The following WWOX variants were observed in gnomAD, a reference collection of about 807,000 sequenced individuals.
WWOX encodes WW domain containing oxidoreductase.
A neutral mutation model predicts 46.2 loss-of-function variants in WWOX; 69 were observed. That is an observed-to-expected ratio of 1.49 (90% CI 1.23 to 1.82). The LOEUF is 1.82. Among genes scored for constraint, WWOX ranks in the 40% most tolerant of loss-of-function variants. The pLI is 0.00. For missense variants in WWOX, 919 were observed against 542.6 expected (o/e 1.69, Z -6.89); for synonymous variants, 359 against 202.6 (o/e 1.77, Z -6.56).
chr16:78,441,037 G>T (rs897295914), intron 8 of WWOX, among the ~76,000 whole-genome samples: 2 of 152,106 alleles, frequency 1.3e-5, no homozygotes, highest in African/African-American at 4.8e-5. Context: ...CCGCCTCCCA[G>T]GTTCAAGCGA....
At chr16:78,905,508 T>C (rs952244230) in intron 8 of WWOX, among the ~76,000 whole-genome samples, 2 of 152,172 alleles carry the variant, frequency 1.3e-5, no homozygotes, top group African/African-American at 4.8e-5. Flanking sequence ...CAGCCTCCTG[T>C]GTAGTGGAGA....
intron 5 of WWOX, among the ~76,000 whole-genome samples, chr16:78,241,013 G>A (rs754236623): frequency 2.0e-5 from 3 of 152,158 alleles, no homozygotes; most frequent in Non-Finnish European, 4.4e-5. Flanking sequence ...CAGTGGGCAT[G>A]TTCCTCACCT....
chr16:78,131,098 G>C (rs1464913422), intron 4 of WWOX, among the ~76,000 whole-genome samples: 3 of 152,224 alleles, frequency 2.0e-5, no homozygotes, highest in Admixed American at 6.5e-5. Context: ...TAAAAATACA[G>C]TGTTGTAATC....
At chr16:78,743,798 A>AATCT (rs2049286057) in intron 8 of WWOX, among the ~76,000 whole-genome samples, 1 of 152,124 alleles carries the variant, frequency 6.6e-6, no homozygotes, top group Admixed American at 6.5e-5. Flanking sequence ...TTCCACAACC[A>AATCT]ATCTGACTGA....
intron 5 of WWOX, among the ~76,000 whole-genome samples, chr16:78,218,788 C>T (rs980018299): frequency 6.6e-6 from 1 of 152,208 alleles, no homozygotes; most frequent in Non-Finnish European, 1.5e-5. Context: ...CTTCGGTGCG[C>T]ATGTAAGTTT....
chr16:78,794,453 A>G (rs1665826793), intron 8 of WWOX, among the ~76,000 whole-genome samples: 1 of 152,218 alleles, frequency 6.6e-6, no homozygotes, highest in Admixed American at 6.5e-5. Flanking sequence ...AAGCCCCAAA[A>G]GACTATGACA....
intron 8 of WWOX, among the ~76,000 whole-genome samples, chr16:79,081,053 C>T (rs1358016617): frequency 6.6e-6 from 1 of 152,172 alleles, no homozygotes; most frequent in African/African-American, 2.4e-5. Flanking sequence ...GATTTGAAAA[C>T]AACTATTATA....
chr16:78,131,222 C>G (rs577585603), intron 4 of WWOX, among the ~76,000 whole-genome samples: 4 of 152,056 alleles, frequency 2.6e-5, no homozygotes, highest in African/African-American at 9.7e-5. Flanking sequence ...TAAATTGATT[C>G]GCTTTTGTGA....
rs1330915138 is a variant in WWOX, at chr16:78,506,728, T to TTTTTTG, written c.1056+73976_1056+73977insTTTTTG. Among the ~76,000 whole-genome samples the TTTTTTG allele has an allele frequency of 4.9e-4, 46 of 93,578 alleles. 1 individual carries two copies. The highest frequency in any genetic ancestry group is 7.8e-4 in the African/African-American group (20 of 25,508). The allele number at this position is 93,578 out of a possible 152,430, so 61.4% of individuals were successfully genotyped here. On this transcript the variant is annotated intron_variant, in intron 8 of 8. Transcript: ENST00000566780. The stretch of plus-strand genomic sequence containing the variant: ...TTTTTTTTTTTTTTTTTTTTTTTTT[T>TTTTTTG]GTACAGAGTCTTGCTCTGTTGTCCA...
At chr16:78,820,333 A>G (rs1272546438) in intron 8 of WWOX, among the ~76,000 whole-genome samples, 1 of 152,178 alleles carries the variant, frequency 6.6e-6, no homozygotes, top group African/African-American at 2.4e-5. Flanking sequence ...CATGCCCTCC[A>G]ACAGTGGAAG....
At chr16:78,273,009 T>A (rs1310884623) in intron 5 of WWOX, among the ~76,000 whole-genome samples, 1 of 151,912 alleles carries the variant, frequency 6.6e-6, no homozygotes, top group Non-Finnish European at 1.5e-5. Context: ...TTTTTGTTTG[T>A]TTATTTGTTT....
chr16:78,722,970 A>G (rs1448282225), intron 8 of WWOX, among the ~76,000 whole-genome samples: 1 of 152,054 alleles, frequency 6.6e-6, no homozygotes, highest in Non-Finnish European at 1.5e-5. Flanking sequence ...TGAGCCCAGG[A>G]GTTAGAGGCT....
chr16:79,113,303 G>C (rs1227948282), intron 8 of WWOX, among the ~76,000 whole-genome samples: 6 of 152,134 alleles, frequency 3.9e-5, no homozygotes, highest in African/African-American at 1.4e-4. Context: ...GAATTCACCT[G>C]GGAAACTTGG....
chr16:79,025,956 G>A (rs766447770), intron 8 of WWOX, among the ~76,000 whole-genome samples: 24 of 151,458 alleles, frequency 1.6e-4, no homozygotes, highest in Admixed American at 4.6e-4. Flanking sequence ...CTATCACCAC[G>A]CCGAGCTAAT....
intron 8 of WWOX, among the ~76,000 whole-genome samples, chr16:78,583,370 A>G (rs2045112376): frequency 1.3e-5 from 2 of 152,320 alleles, no homozygotes; most frequent in Middle Eastern, 3.4e-3. Flanking sequence ...TCATGTACCC[A>G]TTCTAGAACC....
chr16:78,632,570 T>TTTTTTTTTTTTTTTG (rs2046460419), intron 8 of WWOX, among the ~76,000 whole-genome samples: 1 of 139,874 alleles, frequency 7.1e-6, no homozygotes. Context: ...TTTTTTTTTT[T>TTTTTTTTTTTTTTTG]TTTTTTTTGG....
chr16:78,124,132 A>T (rs960359940), intron 4 of WWOX: 2 of 152,172 alleles, frequency 1.3e-5, no homozygotes. Flanking sequence ...TTAAATGGGG[A>T]CAAAAACGAA....
rs201581368 is a variant in WWOX, at chr16:78,814,470, G to GA, written c.1056+381730dup. 1.5e-3 allele frequency among the ~76,000 whole-genome samples: 215 copies of GA among 144,774 alleles called. 1 individual carries two copies. The highest frequency in any genetic ancestry group is 2.1e-3 in the Non-Finnish European group (136 of 65,762). 95.0% of individuals were successfully genotyped at this position (144,774 alleles called of 152,430 possible). On this transcript the variant is annotated intron_variant, in intron 8 of 8. Coordinates refer to ENST00000566780, the MANE Select transcript of WWOX (RefSeq NM_016373.4). Reference sequence around the variant, plus strand: ...ATGAAACTACCAAGAAGCCTCTCTTGAAAAAAAAAAAATTAAGTGAACCTC... The same window carrying GA: ...ATGAAACTACCAAGAAGCCTCTCTTGAAAAAAAAAAAAATTAAGTGAACCTC...
chr16:78,927,102 C>G (rs1597160985), intron 8 of WWOX, among the ~76,000 whole-genome samples: 2 of 152,310 alleles, frequency 1.3e-5, no homozygotes, highest in South Asian at 2.1e-4. Flanking sequence ...TGCCCAGGCA[C>G]CATTCTTGAC....
Sources: allele counts gnomAD v4.1 joint callset (sites outside exome capture counted in the v4.1 genomes callset), GRCh38; gene constraint gnomAD v4.1.1; transcripts MANE v1.5; gene names NCBI Gene and HGNC (gene_info 2026-07-23, HGNC 2026-07-21).